Variants in ANXA6 observed in about 807,000 individuals in gnomAD.
ANXA6 encodes 67 kDa calelectrin.
A neutral mutation model predicts 95.4 loss-of-function variants in ANXA6; 71 were observed. The observed-to-expected ratio is 0.74, with a 90% confidence interval of 0.61 to 0.91. The LOEUF (loss-of-function observed/expected upper bound fraction) is 0.91. ANXA6 is among the 40% of genes least tolerant of loss of function. The pLI, the probability that ANXA6 is intolerant of heterozygous loss-of-function variation, is 0.00. For missense variants in ANXA6, 830 were observed against 876.4 expected, an observed-to-expected ratio of 0.95 and a Z score of 0.67; for synonymous variants, 289 against 315.9, an observed-to-expected ratio of 0.91 and a Z score of 0.90.
chr5:151,115,427 C>T (rs1265248767), intron 20 of ANXA6, among the ~76,000 whole-genome samples: 2 of 152,142 alleles, frequency 1.3e-5, no homozygotes, highest in African/African-American at 2.4e-5. Flanking sequence ...TATTTCCACC[C>T]GGGTTCTCTC....
chr5:151,148,783 T>G (rs918147564), intron 1 of ANXA6, among the ~76,000 whole-genome samples: 3 of 151,702 alleles, frequency 2.0e-5, no homozygotes, highest in Admixed American at 6.6e-5. Context: ...GTGGTGCAAG[T>G]GAGGAACCAC....
intron 18 of ANXA6, among the ~76,000 whole-genome samples, chr5:151,118,396 G>A (rs1053213590): frequency 4.0e-5 from 6 of 151,588 alleles, no homozygotes; most frequent in Admixed American, 2.0e-4. Context: ...TGAGTAGCTG[G>A]GACTATAGGC....
intron 2 of ANXA6, among the ~76,000 whole-genome samples, chr5:151,142,468 A>G (rs1209643756): frequency 6.7e-6 from 1 of 149,666 alleles, no homozygotes; most frequent in Non-Finnish European, 1.5e-5. Context: ...ACAGAATGAG[A>G]CTGACTCTGT....
intron 14 of ANXA6, among the ~76,000 whole-genome samples, chr5:151,126,027 G>C (rs1581996370): frequency 6.6e-6 from 1 of 152,318 alleles, no homozygotes; most frequent in East Asian, 1.9e-4. Context: ...GTCTGAGGAT[G>C]CTCAGGAGGA....
intron 20 of ANXA6, among the ~76,000 whole-genome samples, chr5:151,116,918 G>T (rs1765015116): frequency 6.6e-6 from 1 of 152,156 alleles, no homozygotes; most frequent in African/African-American, 2.4e-5. Context: ...CAGCTCTGAG[G>T]GTCCTGCTAT....
At chr5:151,144,892 A>C (rs1163649276) in intron 2 of ANXA6, among the ~76,000 whole-genome samples, 1 of 152,018 alleles carries the variant, frequency 6.6e-6, no homozygotes, top group Non-Finnish European at 1.5e-5. Context: ...AGCACTAGTC[A>C]CATTTGGAGA....
intron 1 of ANXA6, among the ~76,000 whole-genome samples, chr5:151,148,437 A>G (rs1766024172): frequency 6.6e-6 from 1 of 152,156 alleles, no homozygotes; most frequent in South Asian, 2.1e-4. Context: ...CAGAACCCAG[A>G]GCTTGACCGC....
intron 18 of ANXA6, 141 bp from the exon 19 acceptor site, chr5:151,117,978 T>C (rs916783783): frequency 3.1e-6 from 2 of 652,382 alleles, no homozygotes; most frequent in African/African-American, 3.6e-5. Context: ...AACTGGCTCA[T>C]GGGGGCATCC....
At chr5:151,140,594 A>ATATATATATATT (rs1554086292) in intron 2 of ANXA6, 4 of 141,658 alleles carry the variant, frequency 2.8e-5, no homozygotes, top group African/African-American at 8.6e-5. Context: ...ATATATATAT[A>ATATATATATATT]TATATATATA....
rs959175690 is a variant in ANXA6 at position 151,134,568 on chromosome 5, G to A, written c.490-85C>T. On this transcript the variant is annotated intron_variant, in intron 7 of 25. Coordinates refer to ENST00000354546, the MANE Select transcript of ANXA6 (RefSeq NM_001155.5). ...GATGCCAGTGGTGGAGACAGGGAAA[G>A]CAGGAAAACCCTGGTGGCCCAGATG... 6 of 1,426,832 alleles carry A rather than the reference G, an allele frequency of 4.2e-6. No homozygotes were observed. The African/African-American group carries it at 8.4e-5, about 20-fold the overall frequency. The allele number at this position is 1,426,832 out of a possible 1,614,324, so 88.4% of individuals were successfully genotyped here. A position where few individuals can be genotyped will look rare whatever the true frequency, so the allele number is the denominator to read the frequency against.
Position 151,117,735 on chromosome 5 carries a change from C to T in ANXA6, c.1518+23G>A. On this transcript the variant is annotated intron_variant, in intron 19 of 25. Transcript: ENST00000354546. The stretch of plus-strand genomic sequence containing the variant: ...CAGGCCTCCCGATGGGCAAGCCGAC[C>T]TGGGGCCCATGAATTCACTCACCGT... 3.7e-6 allele frequency: 6 copies of T among 1,608,716 alleles called. No homozygotes were observed. In the South Asian group the frequency reaches 6.6e-5, roughly 18 times the overall value.
chr5:151,136,560 C>T (rs924970233), intron 6 of ANXA6, among the ~76,000 whole-genome samples: 4 of 152,348 alleles, frequency 2.6e-5, no homozygotes, highest in Middle Eastern at 3.4e-3. Context: ...TATACCATGA[C>T]GGCCCACCTG....
rs754131206 is a variant in ANXA6 at position 151,103,669 on chromosome 5, A to G, written c.1863T>C (p.Thr621=). Residue 621 remains threonine (T), a synonymous_variant, in exon 25 of 26, where the codon ACT becomes ACC. Transcript: ENST00000354546. ...SMKGAGTDEK[T]LTRIMVSRSE... ...TGCGGGATACCATGATCCTGGTCAG[A>G]GTCTTCTCATCTGTGCCAGCACCCT... The G allele has an allele frequency of 6.2e-7, 1 of 1,610,968 alleles. No individual in the cohort carries two copies. Among genetic ancestry groups the G allele is most frequent in the Admixed American group, 1.7e-5 (1 of 59,626 alleles).
At chr5:151,105,075 C>T (rs562809304) in intron 24 of ANXA6, among the ~76,000 whole-genome samples, 170 bp downstream of exon 24, 71 of 152,312 alleles carry the variant, frequency 4.7e-4, no homozygotes, top group African/African-American at 1.7e-3. Flanking sequence ...AAATCACCCC[C>T]AACTGGGAAA....
intron 1 of ANXA6, among the ~76,000 whole-genome samples, chr5:151,148,341 A>G (rs776854013): frequency 2.4e-4 from 36 of 152,234 alleles, no homozygotes; most frequent in Non-Finnish European, 5.1e-4. Context: ...CACACAGCTT[A>G]GAACTGAATT....
rs373523761 is a variant in ANXA6 at position 151,124,717 on chromosome 5, A to G, written c.1057-350T>C. On this transcript the variant is annotated intron_variant, in intron 14 of 25. Transcript: ENST00000354546. ...TGCTTATTCCACCGGGGCATCCCCA[A>G]TTCTTCTGAATCCTACCCTGCCCCC... Among the ~76,000 whole-genome samples, 14 of 152,274 alleles carry G rather than the reference A, an allele frequency of 9.2e-5. No individual in the cohort carries two copies. The South Asian group carries it at 2.3e-3, about 25-fold the overall frequency.
At chr5:151,103,715 A>T in intron 24 of ANXA6, 23 bp from the exon 25 acceptor site, 1 of 1,601,048 alleles carries the variant, frequency 6.2e-7, no homozygotes. Flanking sequence ...GGCAGGAGGG[A>T]GACACAGGCG....
chr5:151,146,123 C>T (rs963361041), intron 2 of ANXA6, among the ~76,000 whole-genome samples: 14 of 152,224 alleles, frequency 9.2e-5, no homozygotes, highest in African/African-American at 3.4e-4. Flanking sequence ...CAACAAGAAA[C>T]CACAGATCAG....
intron 22 of ANXA6, 102 bp from the exon 23 acceptor site, chr5:151,108,652 G>C: frequency 1.0e-6 from 1 of 972,950 alleles, no homozygotes; most frequent in Non-Finnish European, 1.6e-6. Context: ...CTGTGCCTGA[G>C]AAAGTGGAAG....
Sources: allele counts gnomAD v4.1 joint callset (sites outside exome capture counted in the v4.1 genomes callset), GRCh38; gene constraint gnomAD v4.1.1; transcripts MANE v1.5; gene names NCBI Gene and HGNC (gene_info 2026-07-23, HGNC 2026-07-21).